The following QKI variants were observed in gnomAD, a reference collection of about 807,000 sequenced individuals.
QKI encodes KH domain-containing RNA-binding protein QKI.
A neutral mutation model predicts 39.0 loss-of-function variants in QKI; 10 were observed. The observed-to-expected ratio is 0.26, with a 90% CI of 0.16 to 0.43. The LOEUF (loss-of-function observed/expected upper bound fraction) is 0.43. Among genes scored for constraint, QKI ranks in the 20% least tolerant of loss-of-function variants. QKI has a pLI of 1.00. For synonymous variants in QKI, 204 were observed against 155.4 expected (o/e 1.31, Z -2.33); for missense variants, 218 against 428.0 (o/e 0.51, Z 4.33).
At chr6:163,432,995 A>G (rs1305952576) in intron 1 of QKI, among the ~76,000 whole-genome samples, 1 of 152,240 alleles carries the variant, frequency 6.6e-6, no homozygotes, top group Non-Finnish European at 1.5e-5. Context: ...AGAGAATGAT[A>G]GTAATAAAGG....
chr6:163,508,268 A>G (rs1779219268), intron 3 of QKI, among the ~76,000 whole-genome samples: 1 of 152,168 alleles, frequency 6.6e-6, no homozygotes, highest in African/African-American at 2.4e-5. Flanking sequence ...AGACATAAAT[A>G]TGCAAATTCA....
chr6:163,541,386 A>G (rs1334697529), intron 4 of QKI, among the ~76,000 whole-genome samples: 1 of 151,954 alleles, frequency 6.6e-6, no homozygotes, highest in Non-Finnish European at 1.5e-5. Context: ...GTTTTGATGA[A>G]TGTTTCACAT....
At chr6:163,505,795 T>C (rs755059595) in intron 3 of QKI, among the ~76,000 whole-genome samples, 21 of 152,164 alleles carry the variant, frequency 1.4e-4, no homozygotes, top group Non-Finnish European at 2.9e-5. Context: ...GTTAAGACTT[T>C]GGGGAAGTAA....
rs34316507 is a variant in QKI at position 163,517,062 on chromosome 6, T to A, written c.403-17920T>A. Among the ~76,000 whole-genome samples, 271 of 42,544 alleles carry A rather than the reference T, an allele frequency of 6.4e-3. 1 individual carries two copies. The highest frequency in any genetic ancestry group is 0.027 in the East Asian group (15 of 566). The allele number at this position is 42,544 out of a possible 152,430, so 27.9% of individuals were successfully genotyped here. ...CACACACACACACACACACTCACTCTCTCTCTCTCTCTCTCTCTTTCTCTC... is the reference window on the plus strand; with the variant it reads ...CACACACACACACACACACTCACTCACTCTCTCTCTCTCTCTCTTTCTCTC... On this transcript the variant is annotated intron_variant, in intron 3 of 7. Transcript: ENST00000361752.
chr6:163,469,554 G>A (rs933382146), intron 2 of QKI, among the ~76,000 whole-genome samples: 20 of 152,276 alleles, frequency 1.3e-4, no homozygotes, highest in African/African-American at 4.8e-4. Flanking sequence ...TGAGAGCAGA[G>A]TTTCGTTATT....
chr6:163,454,586 A>G (rs1307892198), intron 1 of QKI, among the ~76,000 whole-genome samples: 11 of 152,122 alleles, frequency 7.2e-5, no homozygotes, highest in African/African-American at 4.8e-5. Flanking sequence ...CTTAGCTTCT[A>G]TAACACCTCT....
intron 3 of QKI, among the ~76,000 whole-genome samples, chr6:163,519,920 G>C (rs1453398092): frequency 3.9e-5 from 6 of 152,094 alleles, no homozygotes; most frequent in Admixed American, 6.6e-5. Flanking sequence ...AAGGGGAAGT[G>C]GGCCAAAGAT....
At chr6:163,477,569 A>G (rs963345010) in intron 2 of QKI, among the ~76,000 whole-genome samples, 4 of 152,240 alleles carry the variant, frequency 2.6e-5, no homozygotes, top group African/African-American at 9.6e-5. Flanking sequence ...AAGGGACTTT[A>G]TCTGAATATA....
chr6:163,525,286 T>TTCTC (rs368196224), intron 3 of QKI, among the ~76,000 whole-genome samples: 5 of 144,312 alleles, frequency 3.5e-5, no homozygotes, highest in African/African-American at 7.9e-5. Context: ...TTTTTTCCTG[T>TTCTC]TCTCTCTCTC....
In QKI at chr6:163,575,433, C is replaced by T. The variant is rs7756950; in HGVS notation, c.*4723C>T. ...ATATTAAACATGAAACTACCAAATT[C>T]CAAGAATAGTAAAATTCTAGAGTCA... On this transcript the variant is annotated 3_prime_UTR_variant, in exon 8 of 8. Coordinates refer to ENST00000361752, the MANE Select transcript of QKI (RefSeq NM_006775.3). 3 of 152,096 alleles carry T rather than the reference C, an allele frequency of 2.0e-5. No homozygotes were observed. The highest frequency in any genetic ancestry group is 4.4e-5 in the Non-Finnish European group (3 of 68,014). The allele number at this position is 152,096 out of a possible 1,614,324, so 9.4% of individuals were successfully genotyped here.
At chr6:163,542,437 G>T (rs1458690407) in intron 4 of QKI, among the ~76,000 whole-genome samples, 1 of 152,032 alleles carries the variant, frequency 6.6e-6, no homozygotes, top group East Asian at 1.9e-4. Context: ...AAGTAGAGAT[G>T]AGGGATCCTG....
In QKI at chr6:163,574,216, T is replaced by C. The variant is rs1469505623; in HGVS notation, c.*3506T>C. On this transcript the variant is annotated 3_prime_UTR_variant, in exon 8 of 8. Transcript: ENST00000361752. ...TGGTATATACCTGGAGAAACCAGTT[T>C]GATTCTTTGTTGAACCATTTCTTTT... 1.3e-5 allele frequency: 2 copies of C among 152,258 alleles called. No homozygotes were observed. Among genetic ancestry groups the C allele is most frequent in the East Asian group, 3.8e-4 (2 of 5,204 alleles). 9.4% of individuals were successfully genotyped at this position (152,258 alleles called of 1,614,324 possible). A position where few individuals can be genotyped will look rare whatever the true frequency, so the allele number is the denominator to read the frequency against.
intron 3 of QKI, among the ~76,000 whole-genome samples, chr6:163,488,342 A>G (rs982780162): frequency 6.6e-6 from 1 of 151,448 alleles, no homozygotes; most frequent in Non-Finnish European, 1.5e-5. Context: ...AAAAAAAGAG[A>G]GAGAGAGAGA....
intron 1 of QKI, among the ~76,000 whole-genome samples, chr6:163,434,917 A>G (rs1305641235): frequency 6.6e-6 from 1 of 152,172 alleles, no homozygotes; most frequent in Non-Finnish European, 1.5e-5. Flanking sequence ...AGTTTAATAT[A>G]AAAATATATT....
At chr6:163,421,869 C>A (rs1397107803) in intron 1 of QKI, among the ~76,000 whole-genome samples, 1 of 151,900 alleles carries the variant, frequency 6.6e-6, no homozygotes, top group Non-Finnish European at 1.5e-5. Flanking sequence ...CTCAGCCTCC[C>A]GAGTAGCTGG....
At chr6:163,509,234 A>C (rs1239234756) in intron 3 of QKI, among the ~76,000 whole-genome samples, 1 of 152,174 alleles carries the variant, frequency 6.6e-6, no homozygotes, top group African/African-American at 2.4e-5. Context: ...TTAAAAATAA[A>C]GGTGAAAGAA....
At chr6:163,502,455 G>C (rs1374875579) in intron 3 of QKI, among the ~76,000 whole-genome samples, 1 of 152,110 alleles carries the variant, frequency 6.6e-6, no homozygotes, top group Non-Finnish European at 1.5e-5. Flanking sequence ...ACCTAATGTT[G>C]AGTCAGTAAG....
At chr6:163,547,364 C>G (rs1444224715) in intron 4 of QKI, among the ~76,000 whole-genome samples, 9 of 152,112 alleles carry the variant, frequency 5.9e-5, no homozygotes, top group African/African-American at 2.2e-4. Flanking sequence ...CTTTTTTGAT[C>G]ACTTGATGTC....
intron 3 of QKI, among the ~76,000 whole-genome samples, chr6:163,507,989 A>G (rs1019906805): frequency 3.9e-5 from 6 of 152,184 alleles, no homozygotes; most frequent in African/African-American, 1.4e-4. Context: ...AAAGGAACCA[A>G]TGGAAAATTT....
Sources: gnomAD v4.1 joint callset for allele counts (sites outside exome capture counted in the v4.1 genomes callset) on GRCh38, gnomAD v4.1.1 for gene constraint, MANE v1.5 for transcripts, NCBI Gene and HGNC (gene_info 2026-07-23, HGNC 2026-07-21) for gene names.